Variants in CSMD1 observed in about 807,000 individuals in gnomAD.
The protein encoded by CSMD1 is CUB and Sushi multiple domains 1, also known as CUB and sushi domain-containing protein 1.
CSMD1 carries 213 observed loss-of-function variants against 417.5 expected under a neutral mutation model. The observed-to-expected ratio is 0.51, with a 90% CI of 0.46 to 0.57. The LOEUF is 0.57. CSMD1 is among the 20% of genes least tolerant of loss of function. CSMD1 has a pLI of 0.00. For missense variants in CSMD1, 6,923 were observed against 4,529.7 expected (o/e 1.53, Z -15.17); for synonymous variants, 2,862 against 1,736.8 (o/e 1.65, Z -16.11).
At chr8:4,565,115 T>G (rs1441673726) in intron 2 of CSMD1, among the ~76,000 whole-genome samples, 1 of 152,200 alleles carries the variant, frequency 6.6e-6, no homozygotes, top group Non-Finnish European at 1.5e-5. Context: ...TCTTCTCACT[T>G]TTATTAGAAG....
Position 3,951,129 on chromosome 8 carries a change from T to G in CSMD1, c.818+46774A>C, listed in dbSNP as rs113260800. On this transcript the variant is annotated intron_variant, in intron 5 of 69. Transcript: ENST00000635120. The stretch of plus-strand genomic sequence containing the variant: ...TATATCTACATTTATAGGCAGGAGA[T>G]GTCTCAAAGTTGTTTGTTTTACAAA... 6.6e-3 allele frequency among the ~76,000 whole-genome samples: 1,008 copies of G among 152,340 alleles called. 9 individuals are homozygous for G. The highest frequency in any genetic ancestry group is 0.02 in the African/African-American group (826 of 41,586).
In CSMD1 at chr8:4,465,346, C is replaced by T. The variant is rs185774475; in HGVS notation, c.303-45281G>A. On this transcript the variant is annotated intron_variant, in intron 2 of 69. Coordinates refer to ENST00000635120, the MANE Select transcript of CSMD1 (RefSeq NM_033225.6). The stretch of plus-strand genomic sequence containing the variant: ...GGTCCCTGTGCTTGCAAAAAGTGTA[C>T]ATCAGTACATGTCTACTAAAGATAA... Among the ~76,000 whole-genome samples the T allele has an allele frequency of 1.2e-4, 18 of 152,198 alleles. 1 individual carries two copies. Among genetic ancestry groups the T allele is most frequent in the African/African-American group, 4.1e-4 (17 of 41,540 alleles).
intron 65 of CSMD1, among the ~76,000 whole-genome samples, chr8:2,953,402 T>C (rs1802769094): frequency 6.8e-6 from 1 of 147,162 alleles, no homozygotes; most frequent in South Asian, 2.1e-4. Context: ...ATCCTGACAA[T>C]AGCAATACAA....
Position 4,242,460 on chromosome 8 carries a change from T to C in CSMD1, c.415+177493A>G, listed in dbSNP as rs138383387. On this transcript the variant is annotated intron_variant, in intron 3 of 69. Transcript: ENST00000635120. ...CTTCAAGCTATAATAGGACTATTGTTGTGAGCATAAATTAGCAGAGACTTC... is the reference window on the plus strand; with the variant it reads ...CTTCAAGCTATAATAGGACTATTGTCGTGAGCATAAATTAGCAGAGACTTC... Among the ~76,000 whole-genome samples, 665 of 152,320 alleles carry C rather than the reference T, an allele frequency of 4.4e-3. 2 individuals carry two copies. The highest frequency in any genetic ancestry group is 7.9e-3 in the Non-Finnish European group (534 of 68,016).
intron 5 of CSMD1, among the ~76,000 whole-genome samples, chr8:3,983,429 C>A (rs529052140): frequency 1.3e-5 from 2 of 151,880 alleles, no homozygotes; most frequent in African/African-American, 4.8e-5. Flanking sequence ...CGCGCCCGGC[C>A]GCAGCCTCCC....
At chr8:3,090,816 C>T (rs1392992236) in intron 48 of CSMD1, among the ~76,000 whole-genome samples, 2 of 152,130 alleles carry the variant, frequency 1.3e-5, no homozygotes, top group African/African-American at 2.4e-5. Context: ...AAGAGTCTGC[C>T]TACTGCTTCT....
chr8:4,360,577 C>A (rs1584955241), intron 3 of CSMD1, among the ~76,000 whole-genome samples: 1 of 152,164 alleles, frequency 6.6e-6, no homozygotes, highest in East Asian at 1.9e-4. Context: ...GCAAGCTCCG[C>A]CTCCCAGGTT....
At chr8:3,353,833 T>A (rs1050806912) in intron 21 of CSMD1, among the ~76,000 whole-genome samples, 51 of 152,354 alleles carry the variant, frequency 3.3e-4, no homozygotes, top group Non-Finnish European at 3.4e-4. Flanking sequence ...ATAATTGAAT[T>A]GTCACTTAGA....
intron 1 of CSMD1, among the ~76,000 whole-genome samples, chr8:4,766,162 G>C (rs563451698): frequency 6.6e-6 from 1 of 152,146 alleles, no homozygotes; most frequent in Non-Finnish European, 1.5e-5. Context: ...TACTAGTCCT[G>C]TAGACCTGAT....
intron 3 of CSMD1, among the ~76,000 whole-genome samples, chr8:4,088,631 G>C (rs1179118395): frequency 6.6e-6 from 1 of 151,052 alleles, no homozygotes; most frequent in Non-Finnish European, 1.5e-5. Context: ...CAACCAGGTT[G>C]AGAGTAAAGC....
chr8:4,383,337 A>G (rs1035881556), intron 3 of CSMD1, among the ~76,000 whole-genome samples: 5 of 152,164 alleles, frequency 3.3e-5, no homozygotes, highest in African/African-American at 1.2e-4. Context: ...GTCAAAGAAG[A>G]TTTTATGATG....
At chr8:4,528,595 A>G (rs1218391284) in intron 2 of CSMD1, among the ~76,000 whole-genome samples, 2 of 152,206 alleles carry the variant, frequency 1.3e-5, no homozygotes, top group African/African-American at 4.8e-5. Context: ...AATAACAATA[A>G]ACATAAAGCA....
rs76975206 is a variant in CSMD1 at position 3,037,885 on chromosome 8, A to C, written c.7661-8372T>G. Among the ~76,000 whole-genome samples, 926 of 152,196 alleles carry C rather than the reference A, an allele frequency of 6.1e-3. 9 individuals carry two copies. Among genetic ancestry groups the C allele is most frequent in the African/African-American group, 0.022 (901 of 41,526 alleles). On this transcript the variant is annotated intron_variant, in intron 50 of 69. Coordinates refer to ENST00000635120, the MANE Select transcript of CSMD1 (RefSeq NM_033225.6). ...AGCTTCTTCTTCCCCAAGATTTCCA[A>C]CTGAATCTAGACCTTCATAACACTG...
chr8:3,846,702 G>A (rs187824859), intron 5 of CSMD1, among the ~76,000 whole-genome samples: 32 of 152,188 alleles, frequency 2.1e-4, no homozygotes, highest in South Asian at 8.3e-4. Context: ...CTGTCGCCCA[G>A]GCTGGAGTGC....
intron 7 of CSMD1, among the ~76,000 whole-genome samples, chr8:3,665,533 A>G (rs921981813): frequency 2.0e-5 from 3 of 152,150 alleles, no homozygotes; most frequent in African/African-American, 7.2e-5. Context: ...CATCTCAAAG[A>G]TATATATATT....
At chr8:4,552,686 G>C (rs1275494843) in intron 2 of CSMD1, among the ~76,000 whole-genome samples, 1 of 152,088 alleles carries the variant, frequency 6.6e-6, no homozygotes, top group Non-Finnish European at 1.5e-5. Context: ...AATGAGATGG[G>C]TCTATTACCC....
chr8:4,533,778 T>C (rs1290253679), intron 2 of CSMD1, among the ~76,000 whole-genome samples: 1 of 151,810 alleles, frequency 6.6e-6, no homozygotes, highest in Admixed American at 6.6e-5. Flanking sequence ...TTAATAAAAG[T>C]ACACTGTAAT....
intron 1 of CSMD1, among the ~76,000 whole-genome samples, chr8:4,697,132 A>G (rs1336951807): frequency 1.3e-5 from 2 of 152,172 alleles, no homozygotes; most frequent in African/African-American, 2.4e-5. Context: ...AGATCGCGCC[A>G]CTGCACTACA....
intron 5 of CSMD1, among the ~76,000 whole-genome samples, chr8:3,839,769 G>C (rs954749252): frequency 1.3e-5 from 2 of 151,344 alleles, no homozygotes; most frequent in African/African-American, 4.9e-5. Flanking sequence ...ACTGCTCAGA[G>C]AGTTTATATT....
Sources: gnomAD v4.1 joint callset for allele counts (sites outside exome capture counted in the v4.1 genomes callset) on GRCh38, gnomAD v4.1.1 for gene constraint, MANE v1.5 for transcripts, NCBI Gene and HGNC (gene_info 2026-07-23, HGNC 2026-07-21) for gene names.